The following MYO15B variants were observed in gnomAD, a reference collection of about 807,000 sequenced individuals.
MYO15B encodes the protein myosin XVB pseudogene.
MYO15B carries 207 observed loss-of-function variants against 119.3 expected under a neutral mutation model. The ratio of observed to expected loss-of-function variants is 1.73; its 90% CI spans 1.55 to 1.95. The LOEUF is 1.95. MYO15B is among the 30% of genes most tolerant of loss of function. The pLI, the probability that MYO15B is intolerant of heterozygous loss-of-function variation, is 0.00. For synonymous variants in MYO15B, 966 were observed against 498.9 expected (o/e 1.94, Z -12.48); for missense variants, 2,264 against 1,203.1 (o/e 1.88, Z -13.04).
intron 53 of MYO15B, among the ~76,000 whole-genome samples, 174 bp from the exon 54 acceptor site, chr17:75,623,607 G>A (rs989683481): frequency 6.6e-6 from 1 of 152,236 alleles, no homozygotes; most frequent in Non-Finnish European, 1.5e-5. Context: ...GTGTGACAGA[G>A]GGAGACGGGA....
chr17:75,588,029 T>C (rs911979773), exon 1 of MYO15B: 26 of 398,284 alleles, frequency 6.5e-5, no homozygotes, highest in Non-Finnish European at 3.1e-5. Flanking sequence ...GACCTGGGCG[T>C]CGGGAAGCCC....
chr17:75,602,706 T>C, intron 16 of MYO15B, 112 bp downstream of exon 16: 1 of 607,468 alleles, frequency 1.6e-6, no homozygotes, highest in East Asian at 2.7e-5. Flanking sequence ...CCCTGGCACC[T>C]TGGGCCATGG....
chr17:75,620,742 C>T (rs1035117162), intron 49 of MYO15B, 106 bp downstream of exon 49: 2 of 695,946 alleles, frequency 2.9e-6, no homozygotes, highest in African/African-American at 3.5e-5. Flanking sequence ...GACCACCCTG[C>T]TGTCCGTCTC....
At chr17:75,602,313 C>G (rs1237415500) in intron 15 of MYO15B, 2 of 686,468 alleles carry the variant, frequency 2.9e-6, no homozygotes, top group Non-Finnish European at 5.3e-6. Flanking sequence ...TGTGGTCTTG[C>G]TGGGGACTGG....
intron 34 of MYO15B, 69 bp downstream of exon 34, chr17:75,615,407 G>A (rs1252152742): frequency 2.9e-6 from 2 of 684,330 alleles, no homozygotes; most frequent in Non-Finnish European, 5.4e-6. Flanking sequence ...GACTGGAGGA[G>A]GGAGGGTCCT....
intron 51 of MYO15B, 27 bp from the exon 52 acceptor site, chr17:75,621,473 AC>A (rs878890412): frequency 1.4e-6 from 1 of 700,532 alleles, no homozygotes; most frequent in South Asian, 1.5e-5. Flanking sequence ...GGCCCCCCAG[AC>A]CCATGGCCTC....
intron 25 of MYO15B, among the ~76,000 whole-genome samples, chr17:75,612,588 C>T (rs886803560): frequency 2.0e-5 from 3 of 152,104 alleles, no homozygotes; most frequent in Admixed American, 2.0e-4. Context: ...TCACTTGAAC[C>T]TGGGAGGTGG....
Position 75,625,668 on chromosome 17 carries a change from T to C in MYO15B, c.8938+8T>C, listed in dbSNP as rs767322332. On this transcript the variant is annotated splice_region_variant and intron_variant, in intron 61 of 63. Coordinates refer to ENST00000645453, the Ensembl canonical transcript of MYO15B. ...CACAGATCAGCTTCATTGGTGGGTC[T>C]GGGACTAGGGGACCGCTGGGTGGGG... The C allele has an allele frequency of 2.8e-6, 2 of 702,910 alleles. No homozygotes were observed. Among genetic ancestry groups the C allele is most frequent in the Admixed American group, 4.0e-5 (2 of 50,014 alleles). 43.5% of individuals were successfully genotyped at this position (702,910 alleles called of 1,614,324 possible).
In MYO15B at chr17:75,589,510, G is replaced by A. The variant is rs2056301714; in HGVS notation, c.1453G>A (p.Glu485Lys). 1 of 398,554 alleles carries A rather than the reference G, an allele frequency of 2.5e-6. No homozygotes were observed. The highest frequency in any genetic ancestry group is 2.1e-5 in the African/African-American group (1 of 48,562). 24.7% of individuals were successfully genotyped at this position (398,554 alleles called of 1,614,324 possible). A position where few individuals can be genotyped will look rare whatever the true frequency, so the allele number is the denominator to read the frequency against. Reference sequence around the variant, plus strand: ...GGGCCGGGACCACCAGAGAGGGTACGAGGGGTGGGGCCGTGAGCCCGGGCT... The same window carrying A: ...GGGCCGGGACCACCAGAGAGGGTACAAGGGGTGGGGCCGTGAGCCCGGGCT... Residue 485 changes from glutamate to lysine, a missense_variant, in exon 1 of 64, where the codon GAG becomes AAG. Glu to Lys is a moderately conservative substitution (Grantham distance 56, BLOSUM62 1). Coordinates refer to ENST00000645453, the Ensembl canonical transcript of MYO15B. This position sits in a 1 kb window ranked among gnomAD's most constrained non-coding sequence, Gnocchi z 4.2.
exon 63 of MYO15B, chr17:75,626,127 C>T (rs1339383133): frequency 2.8e-6 from 2 of 703,106 alleles, no homozygotes; most frequent in East Asian, 5.4e-5. Context: ...CCTGCAGCGG[C>T]TCCACCTGCT....
chr17:75,610,657 C>G, intron 22 of MYO15B: 1 of 569,724 alleles, frequency 1.8e-6, no homozygotes, highest in Non-Finnish European at 3.1e-6. Context: ...TCCCCTGGGA[C>G]CATTTCTTCC....
At chr17:75,618,166 T>C (rs1568209156) in exon 43 of MYO15B, 1 of 703,112 alleles carries the variant, frequency 1.4e-6, no homozygotes, top group Non-Finnish European at 2.6e-6. Context: ...CCCTACTACC[T>C]GAGGCTCCTC....
intron 49 of MYO15B, 177 bp from the exon 50 acceptor site, chr17:75,620,854 T>C: frequency 2.8e-6 from 2 of 701,818 alleles, no homozygotes; most frequent in Non-Finnish European, 5.2e-6. Context: ...TGCTCTTGTG[T>C]CCCACGTGGT....
At chr17:75,614,822 C>G (rs752327058) in exon 32 of MYO15B, 83 of 702,716 alleles carry the variant, frequency 1.2e-4, no homozygotes, top group Non-Finnish European at 1.8e-4. Context: ...ACCAGATCTT[C>G]CAGCCAGTGA....
At chr17:75,625,019 G>A in intron 59 of MYO15B, 103 bp downstream of exon 59, 1 of 662,146 alleles carries the variant, frequency 1.5e-6, no homozygotes, top group Non-Finnish European at 2.8e-6. Context: ...GGTCTGTGGT[G>A]GCTGGGGGGT....
Position 75,624,454 on chromosome 17 carries a change from T to C in MYO15B, c.8445+7T>C, listed in dbSNP as rs1461727456. ...GAATATCCAGACTTTCACAGTGAGC[T>C]TGGGGGCCACCAAGGGAGGAGGCCT... On this transcript the variant is annotated splice_region_variant and intron_variant, in intron 57 of 63. Transcript: ENST00000645453. The C allele has an allele frequency of 2.8e-6, 2 of 702,890 alleles. No individual in the cohort carries two copies. The highest frequency in any genetic ancestry group is 2.7e-5 in the East Asian group (1 of 37,286). 43.5% of individuals were successfully genotyped at this position (702,890 alleles called of 1,614,324 possible). A position where few individuals can be genotyped will look rare whatever the true frequency, so the allele number is the denominator to read the frequency against.
chr17:75,613,044 G>T (rs575310598), exon 27 of MYO15B: 1 of 700,764 alleles, frequency 1.4e-6, no homozygotes, highest in South Asian at 1.5e-5. Context: ...TACCTGGTGC[G>T]GCAGGGGCAG....
rs753235662 is a variant in MYO15B, at chr17:75,613,225, G to C, written c.4967+16G>C. 1 of 682,868 alleles carries C rather than the reference G, an allele frequency of 1.5e-6. No homozygotes were observed. The highest frequency in any genetic ancestry group is 1.5e-5 in the South Asian group (1 of 66,764). The allele number at this position is 682,868 out of a possible 1,614,324, so 42.3% of individuals were successfully genotyped here. A position where few individuals can be genotyped will look rare whatever the true frequency, so the allele number is the denominator to read the frequency against. On this transcript the variant is annotated intron_variant, in intron 27 of 63. Transcript: ENST00000645453. The stretch of plus-strand genomic sequence containing the variant: ...CACTGCTCAAGTAAGGGGCCTGGGA[G>C]GTGGGGACCTGGCAGGTGGGGTCGC...
In MYO15B at chr17:75,591,560, G is replaced by A. The variant is rs756057015; in HGVS notation, c.2436-41G>A. The A allele has an allele frequency of 4.9e-4, 343 of 702,238 alleles. 3 individuals carry two copies. In the East Asian group the frequency reaches 7.6e-3, roughly 16 times the overall value. 43.5% of individuals were successfully genotyped at this position (702,238 alleles called of 1,614,324 possible). ...CCTGGGTTCACTGGGGTGGTCCTAT[G>A]TGCCCCTCCCTGGAGACCCTACCAA... On this transcript the variant is annotated intron_variant, in intron 4 of 63. Coordinates refer to ENST00000645453, the Ensembl canonical transcript of MYO15B.
Sources: allele counts gnomAD v4.1 joint callset (sites outside exome capture counted in the v4.1 genomes callset), GRCh38; gene constraint gnomAD v4.1.1; non-coding constraint Gnocchi (gnomAD v3.1); transcripts MANE v1.5; gene names NCBI Gene and HGNC (gene_info 2026-07-23, HGNC 2026-07-21).